ITGB5: variants seen among roughly 807,000 people sequenced by gnomAD.
ITGB5 encodes the protein integrin subunit beta 5, also known as integrin beta-5.
A neutral mutation model predicts 84.8 loss-of-function variants in ITGB5; 38 were observed. The observed-to-expected ratio is 0.45, with a 90% CI of 0.35 to 0.59. The LOEUF (loss-of-function observed/expected upper bound fraction) is 0.59, where lower values mean the gene tolerates loss of function less well. Ranked by LOEUF, ITGB5 falls within the 20% of genes least tolerant of loss-of-function variation. ITGB5 has a pLI of 0.01. For missense variants in ITGB5, 905 were observed against 1,034.5 expected, an observed-to-expected ratio of 0.87 and a Z score of 1.72; for synonymous variants, 393 against 414.4, an observed-to-expected ratio of 0.95 and a Z score of 0.63.
At chr3:124,884,656 C>T (rs1037543883) in intron 1 of ITGB5, among the ~76,000 whole-genome samples, 1 of 152,026 alleles carries the variant, frequency 6.6e-6, no homozygotes, top group African/African-American at 2.4e-5. Context: ...TGCCACTGTA[C>T]ACCATCCTGG....
intron 2 of ITGB5, among the ~76,000 whole-genome samples, chr3:124,870,922 G>T (rs1933993196): frequency 6.6e-6 from 1 of 152,040 alleles, no homozygotes; most frequent in Non-Finnish European, 1.5e-5. Context: ...ACAGGGTCTT[G>T]CTTTGTCGCC....
intron 9 of ITGB5, among the ~76,000 whole-genome samples, chr3:124,798,422 T>C (rs1184871130): frequency 2.6e-5 from 4 of 151,836 alleles, no homozygotes; most frequent in South Asian, 2.1e-4. Context: ...AATGTTTTTG[T>C]TGTTGTTGTT....
chr3:124,892,527 TAAAAAAA>T (rs34284622), upstream of ITGB5, among the ~76,000 whole-genome samples: 8 of 106,250 alleles, frequency 7.5e-5, no homozygotes, highest in African/African-American at 1.5e-4. Context: ...CCATCTCTAT[TAAAAAAA>T]AAAAAAAAAA....
At chr3:124,866,220 T>A (rs111645558) in intron 2 of ITGB5, among the ~76,000 whole-genome samples, 3,537 of 151,614 alleles carry the variant, frequency 0.023, 123 homozygotes, top group African/African-American at 0.081. Flanking sequence ...TGAGTTCAAG[T>A]GATCCACCCG....
rs2063882027 is a variant in ITGB5, at chr3:124,773,750, C to T, written c.1856G>A (p.Gly619Glu). ...CTTCTCACACATCTCCCCAAAGGCC[C>T]CCGGCTCCGTGCATTGGCACTGCCC... Reference protein sequence around the residue: ...LCGQCQCTEPGAFGEMCEKCP... With the variant: ...LCGQCQCTEPEAFGEMCEKCP... Residue 619 changes from glycine to glutamate, a missense_variant, in exon 11 of 15, where the codon GGG becomes GAG. By Grantham distance (98) the Gly-to-Glu change is moderately conservative. Transcript: ENST00000296181. 4 of 1,612,916 alleles carry T rather than the reference C, an allele frequency of 2.5e-6. No homozygotes were observed. The South Asian group carries it at 3.3e-5, about 13-fold the overall frequency.
intron 1 of ITGB5, among the ~76,000 whole-genome samples, chr3:124,876,863 A>G (rs1934345838): frequency 6.6e-6 from 1 of 152,180 alleles, no homozygotes; most frequent in Admixed American, 6.5e-5. Flanking sequence ...AACACAACCT[A>G]CTGGGAAGCT....
At chr3:124,864,726 C>T (rs1261021273) in intron 2 of ITGB5, among the ~76,000 whole-genome samples, 1 of 152,000 alleles carries the variant, frequency 6.6e-6, no homozygotes, top group African/African-American at 2.4e-5. Context: ...CATATACCCT[C>T]TGTATCTAAC....
intron 1 of ITGB5, among the ~76,000 whole-genome samples, chr3:124,875,744 A>C (rs960065152): frequency 6.6e-6 from 1 of 152,230 alleles, no homozygotes; most frequent in African/African-American, 2.4e-5. Context: ...CAAGATATGC[A>C]ATCAACAGAC....
chr3:124,831,488 T>G (rs1559958008), intron 5 of ITGB5, among the ~76,000 whole-genome samples: 1 of 152,086 alleles, frequency 6.6e-6, no homozygotes, highest in African/African-American at 2.4e-5. Context: ...GGACGCCCCG[T>G]GGGAAGGTGC....
chr3:124,899,075 CA>C (rs555979526), intron 1 of ITGB5, among the ~76,000 whole-genome samples: 128 of 111,504 alleles, frequency 1.1e-3, no homozygotes, highest in Non-Finnish European at 1.7e-3. Flanking sequence ...GACTCTGTCT[CA>C]AAAAAAAAAG....
intron 8 of ITGB5, among the ~76,000 whole-genome samples, chr3:124,813,587 A>T (rs2064538952): frequency 6.6e-6 from 1 of 152,198 alleles, no homozygotes. Context: ...TCAGGGACAC[A>T]GTTTGTTTAC....
chr3:124,808,904 A>G, intron 9 of ITGB5, 118 bp downstream of exon 9: 1 of 1,171,246 alleles, frequency 8.5e-7, no homozygotes, highest in Middle Eastern at 2.0e-4. Flanking sequence ...GGGATGCTGA[A>G]TTGGAAAACA....
chr3:124,815,862 C>T (rs1403643230), intron 8 of ITGB5, among the ~76,000 whole-genome samples: 2 of 152,174 alleles, frequency 1.3e-5, no homozygotes, highest in East Asian at 1.9e-4. Context: ...AAATCACTCA[C>T]CGTGGAATCT....
Position 124,796,402 on chromosome 3 carries a change from C to T in ITGB5, c.1679G>A (p.Gly560Glu). 1.2e-6 allele frequency: 2 copies of T among 1,611,468 alleles called. No homozygotes were observed. Among genetic ancestry groups the T allele is most frequent in the East Asian group, 4.5e-5 (2 of 44,828 alleles). The change falls in exon 10 of 15, where the codon GGA (glycine) becomes GAA (glutamate). Residue 560 changes from glycine to glutamate, a missense_variant. Physicochemically the swap from Gly to Glu is moderately conservative, Grantham distance 98. Coordinates refer to ENST00000296181, the MANE Select transcript of ITGB5 (RefSeq NM_002213.5). ...GGGACACTTACCTGAGCAGAGGACTCCCTTGTTCCTGGCACAGGAGAAGTT... is the reference window on the plus strand; with the variant it reads ...GGGACACTTACCTGAGCAGAGGACTTCCTTGTTCCTGGCACAGGAGAAGTT... Reference protein sequence around the residue: ...CDNFSCARNKGVLCSGHGECH... With the variant: ...CDNFSCARNKEVLCSGHGECH...
intron 10 of ITGB5, among the ~76,000 whole-genome samples, chr3:124,794,578 C>A (rs1245493130): frequency 1.3e-5 from 2 of 151,580 alleles, no homozygotes; most frequent in African/African-American, 4.9e-5. Context: ...GTCAGGACTT[C>A]GAGACCAGCC....
chr3:124,777,055 C>T (rs760091023), intron 10 of ITGB5, among the ~76,000 whole-genome samples: 2 of 152,144 alleles, frequency 1.3e-5, no homozygotes, highest in Admixed American at 6.5e-5. Flanking sequence ...CTTGCAGGCC[C>T]GAGAGTTCCA....
At chr3:124,887,746 A>G, upstream of ITGB5, 1 of 447,196 alleles carries the variant, frequency 2.2e-6, no homozygotes, top group Non-Finnish European at 4.5e-6. Context: ...CGAGAGGGAG[A>G]GCAGGTACGG....
intron 1 of ITGB5, among the ~76,000 whole-genome samples, chr3:124,883,997 G>A (rs1471444884): frequency 3.9e-5 from 6 of 152,114 alleles, no homozygotes; most frequent in East Asian, 1.9e-4. Context: ...CTGGAAATCC[G>A]TACTGAGATG....
chr3:124,867,185 C>T (rs1432206747), intron 2 of ITGB5, among the ~76,000 whole-genome samples: 1 of 152,050 alleles, frequency 6.6e-6, no homozygotes, highest in Non-Finnish European at 1.5e-5. Context: ...CATGCCCGAC[C>T]CCATTTCCAT....
Sources: allele counts gnomAD v4.1 joint callset (sites outside exome capture counted in the v4.1 genomes callset), GRCh38; gene constraint gnomAD v4.1.1; transcripts MANE v1.5; gene names NCBI Gene and HGNC (gene_info 2026-07-23, HGNC 2026-07-21).